The following SLC22A11 variants were observed in gnomAD, a reference collection of about 807,000 sequenced individuals.
SLC22A11 encodes organic anion transporter 4.
A neutral mutation model predicts 49.4 loss-of-function variants in SLC22A11; 42 were observed. The observed-to-expected ratio is 0.85, with a 90% confidence interval of 0.66 to 1.10. The LOEUF is 1.10. Ranked by LOEUF, SLC22A11 falls within the 50% of genes least tolerant of loss-of-function variation. The pLI is 0.00. For missense variants in SLC22A11, 685 were observed against 731.6 expected, an observed-to-expected ratio of 0.94 and a Z score of 0.74; for synonymous variants, 304 against 315.8, an observed-to-expected ratio of 0.96 and a Z score of 0.40.
intron 9 of SLC22A11, 116 bp downstream of exon 9, chr11:64,569,974 A>T (rs2038683035): frequency 1.1e-6 from 1 of 874,134 alleles, no homozygotes; most frequent in Non-Finnish European, 1.8e-6. Flanking sequence ...TGTTTCTGAA[A>T]CCATTTAATC....
At position 64,568,707 on chromosome 11, in the gene SLC22A11, A is replaced by C. The variant is rs1338854203; in HGVS notation, c.1311A>C (p.Gly437=). The change falls in exon 8 of 10, where the codon GGA becomes GGC. Residue 437 remains glycine, a synonymous_variant. Coordinates refer to ENST00000301891, the MANE Select transcript of SLC22A11 (RefSeq NM_018484.4). The part of the protein sequence containing the change: ...QTLRVVFAVL[G]KGCFGISLTC... ...TGCGTGTGGTCTTTGCTGTGCTGGG[A>C]AAGGGATGTTTTGGGATAAGCCTAA... 2 of 1,613,964 alleles carry C rather than the reference A, an allele frequency of 1.2e-6. No individual in the cohort carries two copies. Among genetic ancestry groups the C allele is most frequent in the Non-Finnish European group, 1.7e-6 (2 of 1,180,020 alleles).
Position 64,565,120 on chromosome 11 carries a change from AG to A in SLC22A11, c.943-100del. The stretch of plus-strand genomic sequence containing the variant: ...GCTTCCAGAGGCCGAGGCCCAGGAC[AG>A]GCTCCCCGTCACTCTGGCCACTTGG... On this transcript the variant is annotated intron_variant, in intron 5 of 9. Coordinates refer to ENST00000301891, the MANE Select transcript of SLC22A11 (RefSeq NM_018484.4). The surrounding 1 kb of genome is among the most constrained non-coding windows in gnomAD (Gnocchi z 4.1). 1.1e-6 allele frequency: 1 copy of A among 891,634 alleles called. No homozygotes were observed. Among genetic ancestry groups the A allele is most frequent in the Non-Finnish European group, 1.7e-6 (1 of 588,948 alleles). 55.2% of individuals were successfully genotyped at this position (891,634 alleles called of 1,614,324 possible).
chr11:64,564,018 G>T lies in SLC22A11; in HGVS notation c.822-290G>T, dbSNP rs948409616. Among the ~76,000 whole-genome samples the T allele has an allele frequency of 1.1e-4, 16 of 152,100 alleles. No homozygotes were observed. Among genetic ancestry groups the T allele is most frequent in the African/African-American group, 3.9e-4 (16 of 41,406 alleles). Reference sequence around the variant, plus strand: ...CAACTCTAGGGACACCCATGCCCAGGCCACCTGTGCCCTGGCTGTGTGCAG... The same window carrying T: ...CAACTCTAGGGACACCCATGCCCAGTCCACCTGTGCCCTGGCTGTGTGCAG... On this transcript the variant is annotated intron_variant, in intron 4 of 9. Coordinates refer to ENST00000301891, the MANE Select transcript of SLC22A11 (RefSeq NM_018484.4). The surrounding 1 kb of genome is among the most constrained non-coding windows in gnomAD (Gnocchi z 4.2).
Position 64,562,194 on chromosome 11 carries a change from G to A in SLC22A11, c.652+36G>A. 2 of 1,606,940 alleles carry A rather than the reference G, an allele frequency of 1.2e-6. No individual in the cohort carries two copies. Among genetic ancestry groups the A allele is most frequent in the Non-Finnish European group, 1.7e-6 (2 of 1,175,194 alleles). On this transcript the variant is annotated intron_variant, in intron 3 of 9. Transcript: ENST00000301891. The surrounding 1 kb of genome is among the most constrained non-coding windows in gnomAD (Gnocchi z 4.4). Reference sequence around the variant, plus strand: ...GGCTCAGCGCGCTCCTGCCATGGGGGCGGGGGTGGCAGGAGAGAATGGGGC... The same window carrying A: ...GGCTCAGCGCGCTCCTGCCATGGGGACGGGGGTGGCAGGAGAGAATGGGGC...
chr11:64,561,986 GCTTCTCT>G lies in SLC22A11; in HGVS notation c.498-16_498-10del. 2 of 1,604,890 alleles carry G rather than the reference GCTTCTCT, an allele frequency of 1.2e-6. No individual in the cohort carries two copies. Among genetic ancestry groups the G allele is most frequent in the Non-Finnish European group, 1.7e-6 (2 of 1,174,226 alleles). ...AGGGGCCCCTCTCCAGGCCCCGTGT[GCTTCTCT>G]CCTGTGACAGGTTTGGGAGGAAGCC... On this transcript the variant is annotated splice_polypyrimidine_tract_variant and intron_variant, in intron 2 of 9. Transcript: ENST00000301891.
chr11:64,556,398 G>T lies in SLC22A11; in HGVS notation c.393+6G>T. On this transcript the variant is annotated splice_donor_region_variant and intron_variant, in intron 1 of 9. Coordinates refer to ENST00000301891, the MANE Select transcript of SLC22A11 (RefSeq NM_018484.4). ...CCTCCACCATCGTGGCCAAGGTAGG[G>T]CCTCCCCCAGAGCCACTCGAGTCCC... is the stretch of plus-strand genomic sequence containing the variant. The T allele has an allele frequency of 6.2e-7, 1 of 1,609,166 alleles. No homozygotes were observed. Among genetic ancestry groups the T allele is most frequent in the African/African-American group, 1.3e-5 (1 of 75,046 alleles).
At chr11:64,568,347 C>T (rs946937680) in intron 7 of SLC22A11, among the ~76,000 whole-genome samples, 7 of 152,222 alleles carry the variant, frequency 4.6e-5, no homozygotes, top group African/African-American at 1.7e-4. Flanking sequence ...CCGGCGCTCT[C>T]TCCGTCATAG....
intron 1 of SLC22A11, 25 bp downstream of exon 1, chr11:64,556,417 G>C: frequency 6.2e-7 from 1 of 1,605,410 alleles, no homozygotes; most frequent in Non-Finnish European, 8.5e-7. Context: ...AGAGCCACTC[G>C]AGTCCCGTCA....
chr11:64,559,906 G>C (rs1388863369), intron 2 of SLC22A11, among the ~76,000 whole-genome samples: 1 of 152,170 alleles, frequency 6.6e-6, no homozygotes, highest in Admixed American at 6.5e-5. Flanking sequence ...CTGGCGGGGA[G>C]AAGCGTTCTC....
chr11:64,568,891 TC>T (rs563654199), intron 8 of SLC22A11, 113 bp downstream of exon 8: 13 of 885,178 alleles, frequency 1.5e-5, no homozygotes, highest in East Asian at 4.9e-5. Context: ...CCGCTCAGGG[TC>T]CCCCCCAGGA....
At chr11:64,556,979 A>G (rs2038471187) in intron 1 of SLC22A11, among the ~76,000 whole-genome samples, 12 of 152,210 alleles carry the variant, frequency 7.9e-5, no homozygotes, top group Admixed American at 7.9e-4. Context: ...CCCCACGCCC[A>G]TTTCCTGATC....
At chr11:64,559,393 A>T (rs1406739911) in intron 2 of SLC22A11, among the ~76,000 whole-genome samples, 155 bp downstream of exon 2, 2 of 151,744 alleles carry the variant, frequency 1.3e-5, no homozygotes, top group African/African-American at 4.8e-5. Context: ...CATCCGAACC[A>T]ACCCACAGGC....
chr11:64,562,226 C>T lies in SLC22A11; in HGVS notation c.653-41C>T, dbSNP rs758270570. 17 of 1,600,130 alleles carry T rather than the reference C, an allele frequency of 1.1e-5. No individual in the cohort carries two copies. The East Asian group carries it at 1.1e-4, about 11-fold the overall frequency. ...TGGCAGGAGAGAATGGGGCTCAGGC[C>T]GCCGCATGAGGCCTCACCTGCACGT... is the stretch of plus-strand genomic sequence containing the variant. On this transcript the variant is annotated intron_variant, in intron 3 of 9. Transcript: ENST00000301891. This position sits in a 1 kb window ranked among gnomAD's most constrained non-coding sequence, Gnocchi z 4.4.
Position 64,571,409 on chromosome 11 carries a change from A to G in SLC22A11, c.*367A>G, listed in dbSNP as rs2038702039. ...GGGTTCCAATCTCACCCCACCACAT[A>G]CAGAGCCCTCATCTGTGAAATGAGA... On this transcript the variant is annotated 3_prime_UTR_variant, in exon 10 of 10. Transcript: ENST00000301891. 1 of 240,462 alleles carries G rather than the reference A, an allele frequency of 4.2e-6. No individual in the cohort carries two copies. Among genetic ancestry groups the G allele is most frequent in the South Asian group, 6.7e-5 (1 of 15,022 alleles). The allele number at this position is 240,462 out of a possible 1,614,324, so 14.9% of individuals were successfully genotyped here. A position where few individuals can be genotyped will look rare whatever the true frequency, so the allele number is the denominator to read the frequency against.
Position 64,564,513 on chromosome 11 carries a change from A to G in SLC22A11, c.942+85A>G. 1 of 1,515,798 alleles carries G rather than the reference A, an allele frequency of 6.6e-7. No homozygotes were observed. Among genetic ancestry groups the G allele is most frequent in the African/African-American group, 1.4e-5 (1 of 72,460 alleles). The allele number at this position is 1,515,798 out of a possible 1,614,324, so 93.9% of individuals were successfully genotyped here. ...CGTGTGGCCTCCAACAGCACCACCCACTCCAGCACCACCTCCACCAGCACC... is the reference window on the plus strand; with the variant it reads ...CGTGTGGCCTCCAACAGCACCACCCGCTCCAGCACCACCTCCACCAGCACC... On this transcript the variant is annotated intron_variant, in intron 5 of 9. Coordinates refer to ENST00000301891, the MANE Select transcript of SLC22A11 (RefSeq NM_018484.4). This position sits in a 1 kb window ranked among gnomAD's most constrained non-coding sequence, Gnocchi z 4.2.
intron 2 of SLC22A11, among the ~76,000 whole-genome samples, chr11:64,560,199 C>T (rs989044509): frequency 2.6e-5 from 4 of 152,100 alleles, no homozygotes; most frequent in African/African-American, 9.7e-5. Flanking sequence ...CCAGGACACA[C>T]TCAGCCCAAG....
chr11:64,563,682 G>A (rs1267269243), intron 4 of SLC22A11, among the ~76,000 whole-genome samples: 4 of 145,342 alleles, frequency 2.8e-5, no homozygotes, highest in Admixed American at 7.0e-5. Context: ...GCACTTTGGA[G>A]GCTGAGGCAG....
rs779834515 is a variant in SLC22A11 at position 64,567,638 on chromosome 11, C to G, written c.1098C>G (p.Asp366Glu). ...LLISYYGLVF[D>E]LQSLGRDIFL... ...TCTCCTACTATGGGCTGGTCTTCGA[C>G]CTGCAGAGCCTGGGCCGTGACATCT... The change falls in exon 7 of 10, where the codon GAC (aspartate) becomes GAG (glutamate). Residue 366 changes from aspartate (D) to glutamate (E), a missense_variant. Transcript: ENST00000301891. 29 of 1,614,024 alleles carry G rather than the reference C, an allele frequency of 1.8e-5. No individual in the cohort carries two copies. The highest frequency in any genetic ancestry group is 2.4e-5 in the Non-Finnish European group (28 of 1,180,040).
In SLC22A11 at chr11:64,564,653, C is replaced by T. The variant is rs1050279541; in HGVS notation, c.942+225C>T. Among the ~76,000 whole-genome samples, 1 of 152,002 alleles carries T rather than the reference C, an allele frequency of 6.6e-6. No homozygotes were observed. Among genetic ancestry groups the T allele is most frequent in the African/African-American group, 2.4e-5 (1 of 41,378 alleles). The stretch of plus-strand genomic sequence containing the variant: ...ACCAACAGCACCACCACTGTCCACA[C>T]CCACCATCACCTTCACTGCCATCAC... On this transcript the variant is annotated intron_variant, in intron 5 of 9. Coordinates refer to ENST00000301891, the MANE Select transcript of SLC22A11 (RefSeq NM_018484.4). The surrounding 1 kb of genome is among the most constrained non-coding windows in gnomAD (Gnocchi z 4.2).
Sources: allele counts gnomAD v4.1 joint callset (sites outside exome capture counted in the v4.1 genomes callset), GRCh38; gene constraint gnomAD v4.1.1; non-coding constraint Gnocchi (gnomAD v3.1); transcripts MANE v1.5; gene names NCBI Gene and HGNC (gene_info 2026-07-23, HGNC 2026-07-21).